The following INPP5F variants were observed in gnomAD, a reference collection of about 807,000 sequenced individuals.
INPP5F encodes the protein inositol polyphosphate-5-phosphatase F, also known as phosphatidylinositide 4-phosphatase SAC2.
Under a neutral mutation model 137.2 loss-of-function variants are expected in INPP5F, and 97 were observed. That is an observed-to-expected ratio of 0.71 (90% CI 0.60 to 0.84). The LOEUF is 0.84. Ranked by LOEUF, INPP5F falls within the 40% of genes least tolerant of loss-of-function variation. The probability of loss-of-function intolerance (pLI) is 0.00; values close to 1 mark genes in which losing one functional copy is unlikely to be tolerated. For synonymous variants in INPP5F, 504 were observed against 476.9 expected, an observed-to-expected ratio of 1.06 and a Z score of -0.74; for missense variants, 1,271 against 1,371.9, an observed-to-expected ratio of 0.93 and a Z score of 1.16.
In INPP5F at chr10:119,804,181, T is replaced by C. The variant is rs375160378; in HGVS notation, c.1125T>C (p.Ile375=). 6.2e-7 allele frequency: 1 copy of C among 1,606,698 alleles called. No individual in the cohort carries two copies. The highest frequency in any genetic ancestry group is 8.5e-7 in the Non-Finnish European group (1 of 1,175,826). ...QLNIYKKQVI[I]NLVDQAGREK... is the part of the protein sequence containing the mutation. ...TTTCTTTGCTCTTATAGGTTATTAT[T>C]AACTTGGTAGACCAGGCAGGAAGAG... Residue 375 remains isoleucine (I), a synonymous_variant, in exon 10 of 20, where the codon ATT becomes ATC. Transcript: ENST00000650623.
At position 119,829,025 on chromosome 10, in the gene INPP5F, A is replaced by G. The variant is rs1048120; in HGVS notation, c.*1245A>G. 0.17 allele frequency: 25,478 copies of G among 152,522 alleles called. 2,295 individuals are homozygous for G. The highest frequency in any genetic ancestry group is 0.44 in the South Asian group (2,108 of 4,818). The allele number at this position is 152,522 out of a possible 1,614,324, so 9.4% of individuals were successfully genotyped here. On this transcript the variant is annotated 3_prime_UTR_variant, in exon 20 of 20. Coordinates refer to ENST00000650623, the MANE Select transcript of INPP5F (RefSeq NM_014937.4). ...ACTCTGTTGAAGTGACTGATTCTCA[A>G]CTGAACATTATGTCGTTACTTTGAT...
intron 16 of INPP5F, among the ~76,000 whole-genome samples, chr10:119,821,998 C>G (rs909105651): frequency 4.7e-5 from 7 of 149,966 alleles, no homozygotes; most frequent in Non-Finnish European, 8.8e-5. Flanking sequence ...TCAAGTGATT[C>G]TCCTGCTTCA....
At chr10:119,797,841 A>G (rs983921495) in intron 8 of INPP5F, among the ~76,000 whole-genome samples, 1 of 152,248 alleles carries the variant, frequency 6.6e-6, no homozygotes, top group African/African-American at 2.4e-5. Context: ...ACAATAAAAA[A>G]TTTCTCTAAC....
intron 13 of INPP5F, 97 bp from the exon 14 acceptor site, chr10:119,810,003 G>C (rs1353651062): frequency 2.8e-6 from 2 of 723,372 alleles, no homozygotes; most frequent in Non-Finnish European, 4.9e-6. Context: ...AATTATAAAA[G>C]CCTGTAGAAT....
intron 1 of INPP5F, among the ~76,000 whole-genome samples, chr10:119,741,526 A>G (rs1052245045): frequency 6.6e-6 from 1 of 151,948 alleles, no homozygotes; most frequent in African/African-American, 2.4e-5. Context: ...ATTTTTATTT[A>G]TTAATTTTAA....
intron 4 of INPP5F, 45 bp downstream of exon 4, chr10:119,791,690 T>C: frequency 6.6e-7 from 1 of 1,512,438 alleles, no homozygotes; most frequent in Non-Finnish European, 9.0e-7. Flanking sequence ...CTTTGATTAG[T>C]TTTAAATAGA....
chr10:119,775,292 CTG>C (rs1330450450), intron 2 of INPP5F, among the ~76,000 whole-genome samples: 1 of 152,256 alleles, frequency 6.6e-6, no homozygotes, highest in East Asian at 1.9e-4. Flanking sequence ...ATCTCTCATT[CTG>C]TTGCCCAGGC....
intron 1 of INPP5F, among the ~76,000 whole-genome samples, chr10:119,744,500 A>AT (rs35164723): frequency 1.3e-5 from 2 of 151,756 alleles, no homozygotes; most frequent in Non-Finnish European, 2.9e-5. Flanking sequence ...TACCTGTAGC[A>AT]TTTTTTTTTG....
intron 15 of INPP5F, among the ~76,000 whole-genome samples, chr10:119,816,839 T>A (rs969029193): frequency 6.6e-6 from 1 of 152,208 alleles, no homozygotes; most frequent in Non-Finnish European, 1.5e-5. Flanking sequence ...AACAGTTTTA[T>A]TGAGACATAT....
chr10:119,810,480 A>G, intron 14 of INPP5F, among the ~76,000 whole-genome samples: 1 of 152,188 alleles, frequency 6.6e-6, no homozygotes, highest in Middle Eastern at 3.2e-3. Context: ...CAGGGTTTGA[A>G]GCTCCTGGAG....
At chr10:119,790,248 G>A (rs1850092998) in intron 3 of INPP5F, among the ~76,000 whole-genome samples, 1 of 152,140 alleles carries the variant, frequency 6.6e-6, no homozygotes, top group Admixed American at 6.5e-5. Context: ...ATGTCCATAA[G>A]CTTGGTTCTG....
rs1849875282 is a variant in INPP5F at position 119,785,571 on chromosome 10, A to AGAGAGACT, written c.315+3806_315+3807insCTGAGAGA. Among the ~76,000 whole-genome samples, 4 of 151,338 alleles carry AGAGAGACT rather than the reference A, an allele frequency of 2.6e-5. No homozygotes were observed. In the South Asian group the frequency reaches 6.3e-4, roughly 24 times the overall value. On this transcript the variant is annotated intron_variant, in intron 3 of 19. Transcript: ENST00000650623. ...GAGAGAGAGAGAGAGAGAGAGAGAG[A>AGAGAGACT]GAGAGAGACTGAGACTGACTTTGCC...
intron 1 of INPP5F, among the ~76,000 whole-genome samples, chr10:119,731,700 C>A (rs564080283): frequency 6.4e-4 from 97 of 152,198 alleles, no homozygotes; most frequent in Non-Finnish European, 1.2e-3. Flanking sequence ...TTGCAAATTA[C>A]CATGACAGAA....
Position 119,822,419 on chromosome 10 carries a change from C to T in INPP5F, c.1959-12C>T. 7.2e-7 allele frequency: 1 copy of T among 1,391,542 alleles called. No homozygotes were observed. The highest frequency in any genetic ancestry group is 9.9e-7 in the Non-Finnish European group (1 of 1,007,548). The allele number at this position is 1,391,542 out of a possible 1,614,324, so 86.2% of individuals were successfully genotyped here. A position where few individuals can be genotyped will look rare whatever the true frequency, so the allele number is the denominator to read the frequency against. On this transcript the variant is annotated splice_polypyrimidine_tract_variant and intron_variant, in intron 16 of 19. Coordinates refer to ENST00000650623, the MANE Select transcript of INPP5F (RefSeq NM_014937.4). ...TTTAAATCCTCTTTTAACTTCATTT[C>T]CTTTTATCTAGTTATGATGATGAAG...
rs768169121 is a variant in INPP5F at position 119,796,834 on chromosome 10, T to G, written c.789T>G (p.Pro263=). The G allele has an allele frequency of 6.8e-5, 109 of 1,613,636 alleles. No homozygotes were observed. The highest frequency in any genetic ancestry group is 9.1e-5 in the Non-Finnish European group (107 of 1,179,902). The change falls in exon 7 of 20, where the codon CCT becomes CCG. Residue 263 remains proline, a synonymous_variant. Coordinates refer to ENST00000650623, the MANE Select transcript of INPP5F (RefSeq NM_014937.4). ...AGAAAAGCAGCCCAGAGACCCCCCC[T>G]CAGGAGTCCACCTGTGTAGATGATA... ...DDEKSSPETP[P]QESTCVDDIH...
At chr10:119,812,867 A>G (rs557616249) in intron 15 of INPP5F, among the ~76,000 whole-genome samples, 3 of 151,978 alleles carry the variant, frequency 2.0e-5, no homozygotes, top group African/African-American at 7.2e-5. Context: ...ATTTTGATTC[A>G]TGTCCTTCAC....
intron 1 of INPP5F, among the ~76,000 whole-genome samples, chr10:119,750,368 CAA>C (rs35279951): frequency 0.044 from 6,647 of 152,294 alleles, 243 homozygotes; most frequent in South Asian, 0.22. Context: ...CTGGGCCACA[CAA>C]GAGAATAAAC....
At chr10:119,726,472 G>A (rs1385371973) in intron 1 of INPP5F, 113 bp downstream of exon 1, 5 of 450,920 alleles carry the variant, frequency 1.1e-5, no homozygotes, top group Non-Finnish European at 1.0e-5. Flanking sequence ...TGGTGAGGCG[G>A]GGCGGGGCGG....
rs1589651974 is a variant in INPP5F at position 119,726,243 on chromosome 10, C to A, written c.-20C>A. 27 of 1,436,784 alleles carry A rather than the reference C, an allele frequency of 1.9e-5. No homozygotes were observed. Among genetic ancestry groups the A allele is most frequent in the African/African-American group, 1.3e-4 (9 of 66,984 alleles). The allele number at this position is 1,436,784 out of a possible 1,614,324, so 89.0% of individuals were successfully genotyped here. Reference sequence around the variant, plus strand: ...TGCGCCGCCCGCGGGCCGCCGCCTCCCTGGGCGCGCGGGGCCAGCATGGAG... The same window carrying A: ...TGCGCCGCCCGCGGGCCGCCGCCTCACTGGGCGCGCGGGGCCAGCATGGAG... On this transcript the variant is annotated 5_prime_UTR_variant, in exon 1 of 20. Transcript: ENST00000650623.
Sources: gnomAD v4.1 joint callset for allele counts (sites outside exome capture counted in the v4.1 genomes callset) on GRCh38, gnomAD v4.1.1 for gene constraint, MANE v1.5 for transcripts, NCBI Gene and HGNC (gene_info 2026-07-23, HGNC 2026-07-21) for gene names.